TRERF1: variants seen among roughly 807,000 people sequenced by gnomAD.
The protein encoded by TRERF1 is transcriptional regulating factor 1.
TRERF1 carries 27 observed loss-of-function variants against 122.9 expected under a neutral mutation model. The ratio of observed to expected loss-of-function variants is 0.22; its 90% CI spans 0.16 to 0.30. TRERF1 has a LOEUF of 0.30. TRERF1 is among the 10% of genes least tolerant of loss of function. The pLI is 1.00. For missense variants in TRERF1, 1,248 were observed against 1,560.3 expected, an observed-to-expected ratio of 0.80 and a Z score of 3.37; for synonymous variants, 636 against 641.7, an observed-to-expected ratio of 0.99 and a Z score of 0.13.
chr6:42,244,278 G>C (rs1367173924), intron 14 of TRERF1, among the ~76,000 whole-genome samples: 1 of 151,350 alleles, frequency 6.6e-6, no homozygotes, highest in Non-Finnish European at 1.5e-5. Flanking sequence ...TCCACCTCCT[G>C]GGTTCAAGCG....
chr6:42,332,271 C>G (rs1356296428), intron 3 of TRERF1, among the ~76,000 whole-genome samples: 1 of 152,244 alleles, frequency 6.6e-6, no homozygotes, highest in Non-Finnish European at 1.5e-5. Context: ...GCCATGACAG[C>G]CTTGCAAACA....
At chr6:42,447,365 A>G (rs908328272) in intron 2 of TRERF1, among the ~76,000 whole-genome samples, 2 of 152,208 alleles carry the variant, frequency 1.3e-5, no homozygotes, top group African/African-American at 4.8e-5. Flanking sequence ...TACTGAGACT[A>G]TATTATTCCT....
Position 42,256,957 on chromosome 6 carries a change from C to A in TRERF1, c.2476+6G>T, listed in dbSNP as rs943465126. The stretch of plus-strand genomic sequence containing the variant: ...CTCCCACCCAGCTCTTCCCATATGC[C>A]AATACCTCTTTGCTGGAGGTCATGG... On this transcript the variant is annotated splice_donor_region_variant and intron_variant, in intron 11 of 17. Coordinates refer to ENST00000372922, the Ensembl canonical transcript of TRERF1. 3 of 1,614,210 alleles carry A rather than the reference C, an allele frequency of 1.9e-6. No homozygotes were observed. Among genetic ancestry groups the A allele is most frequent in the Middle Eastern group, 3.3e-4 (2 of 6,062 alleles).
intron 2 of TRERF1, among the ~76,000 whole-genome samples, chr6:42,420,798 A>C (rs552916701): frequency 6.6e-6 from 1 of 152,294 alleles, no homozygotes; most frequent in East Asian, 1.9e-4. Context: ...GCTGTCATGT[A>C]AGTCATGGGG....
chr6:42,335,975 T>C (rs1010966861), intron 3 of TRERF1, among the ~76,000 whole-genome samples: 20 of 152,384 alleles, frequency 1.3e-4, no homozygotes, highest in African/African-American at 4.8e-4. Context: ...GCTGTTCAAC[T>C]TGGTAGCCAC....
At chr6:42,271,784 T>G (rs1780266414) in intron 4 of TRERF1, among the ~76,000 whole-genome samples, 1 of 152,224 alleles carries the variant, frequency 6.6e-6, no homozygotes, top group Non-Finnish European at 1.5e-5. Flanking sequence ...CTTTTGATTT[T>G]AGGAAATTAA....
intron 2 of TRERF1, among the ~76,000 whole-genome samples, chr6:42,396,534 C>G (rs949008764): frequency 6.6e-6 from 1 of 152,084 alleles, no homozygotes; most frequent in Non-Finnish European, 1.5e-5. Context: ...AGTACTTTTA[C>G]AGTAAAATAC....
At chr6:42,346,574 G>A (rs1399400603) in intron 3 of TRERF1, among the ~76,000 whole-genome samples, 1 of 151,980 alleles carries the variant, frequency 6.6e-6, no homozygotes, top group African/African-American at 2.4e-5. Flanking sequence ...TAGAAGCAGT[G>A]GAGAAGGCAG....
At chr6:42,341,744 C>T (rs1767333527) in intron 3 of TRERF1, among the ~76,000 whole-genome samples, 1 of 152,182 alleles carries the variant, frequency 6.6e-6, no homozygotes. Flanking sequence ...AAAAAAATGA[C>T]CAGCAGTCCC....
intron 3 of TRERF1, among the ~76,000 whole-genome samples, chr6:42,309,810 A>G (rs1354680380): frequency 6.6e-6 from 1 of 152,230 alleles, no homozygotes; most frequent in Non-Finnish European, 1.5e-5. Context: ...TTATTGAGAC[A>G]GGGTCTCACT....
At chr6:42,333,157 T>C (rs1223047905) in intron 3 of TRERF1, among the ~76,000 whole-genome samples, 2 of 152,210 alleles carry the variant, frequency 1.3e-5, no homozygotes, top group African/African-American at 2.4e-5. Context: ...TTAATAGAGA[T>C]GGATCGTTTG....
At chr6:42,369,728 T>C (rs428190) in intron 2 of TRERF1, among the ~76,000 whole-genome samples, 6,268 of 152,266 alleles carry the variant, frequency 0.041, 310 homozygotes, top group African/African-American at 0.11. Flanking sequence ...GTCTCTTGTC[T>C]ATTTGCATAC....
intron 2 of TRERF1, among the ~76,000 whole-genome samples, chr6:42,423,841 C>T (rs930317054): frequency 6.6e-6 from 1 of 152,178 alleles, no homozygotes; most frequent in African/African-American, 2.4e-5. Flanking sequence ...GTCACAAACA[C>T]ATTTAAGGGA....
At chr6:42,288,994 T>TGA (rs772469518) in intron 4 of TRERF1, among the ~76,000 whole-genome samples, 69 of 141,838 alleles carry the variant, frequency 4.9e-4, no homozygotes, top group Non-Finnish European at 6.5e-4. Context: ...TGTGTGTGTG[T>TGA]CAAAGCACAT....
intron 4 of TRERF1, among the ~76,000 whole-genome samples, chr6:42,277,996 C>T (rs926673540): frequency 6.6e-6 from 1 of 150,434 alleles, no homozygotes; most frequent in Non-Finnish European, 1.5e-5. Context: ...AAGACAGGAG[C>T]CCTGGGCTTT....
At position 42,367,897 on chromosome 6, in the gene TRERF1, C is replaced by T. The variant is rs142022753; in HGVS notation, c.-453-4818G>A. The stretch of plus-strand genomic sequence containing the variant: ...CCCGATCTGATCTCCATCTGGCTGC[C>T]CGGCCAGCGTCTGTATCATCGGGCC... On this transcript the variant is annotated intron_variant, in intron 2 of 17. Coordinates refer to ENST00000372922, the Ensembl canonical transcript of TRERF1. Among the ~76,000 whole-genome samples the T allele has an allele frequency of 3.8e-3, 580 of 152,168 alleles. 1 individual carries two copies. Among genetic ancestry groups the T allele is most frequent in the Non-Finnish European group, 6.1e-3 (412 of 67,988 alleles).
At chr6:42,265,872 A>G in intron 5 of TRERF1, 75 bp from the exon 6 acceptor site, 1 of 1,481,402 alleles carries the variant, frequency 6.8e-7, no homozygotes, top group South Asian at 1.2e-5. Flanking sequence ...GTCCTCGAGC[A>G]GTGGGAACAC....
At chr6:42,326,079 T>C (rs546562945) in intron 3 of TRERF1, among the ~76,000 whole-genome samples, 1 of 152,324 alleles carries the variant, frequency 6.6e-6, no homozygotes, top group African/African-American at 2.4e-5. Context: ...GTTCACTACC[T>C]GGGTGATGAG....
intron 3 of TRERF1, among the ~76,000 whole-genome samples, chr6:42,326,326 A>C (rs1764295615): frequency 6.6e-6 from 1 of 152,224 alleles, no homozygotes; most frequent in African/African-American, 2.4e-5. Context: ...CAAAGCCTGG[A>C]TGCTTCTCAG....
Sources: gnomAD v4.1 joint callset for allele counts (sites outside exome capture counted in the v4.1 genomes callset) on GRCh38, gnomAD v4.1.1 for gene constraint, MANE v1.5 for transcripts, NCBI Gene and HGNC (gene_info 2026-07-23, HGNC 2026-07-21) for gene names.